Variants in MORN1 observed in about 807,000 individuals in gnomAD.
MORN1 encodes MORN repeat containing 1, also known as MORN repeat-containing protein 1.
In MORN1, 67 loss-of-function variants were observed where a neutral mutation model predicts 61.9. The observed-to-expected ratio is 1.08, with a 90% CI of 0.89 to 1.33. MORN1 has a LOEUF of 1.33. MORN1 is among the 40% of genes most tolerant of loss of function. The probability of loss-of-function intolerance (pLI) is 0.00; values close to 1 mark genes in which losing one functional copy is unlikely to be tolerated. For missense variants in MORN1, 752 were observed against 691.2 expected, an observed-to-expected ratio of 1.09 and a Z score of -0.99; for synonymous variants, 301 against 292.0, an observed-to-expected ratio of 1.03 and a Z score of -0.31.
At chr1:2,383,588 G>A (rs1642419396) in intron 6 of MORN1, among the ~76,000 whole-genome samples, 2 of 152,236 alleles carry the variant, frequency 1.3e-5, no homozygotes, top group African/African-American at 2.4e-5. Context: ...CATCAAAGCA[G>A]CCCCGAGGCT....
chr1:2,324,965 G>A (rs569625091), intron 12 of MORN1, among the ~76,000 whole-genome samples: 3 of 85,830 alleles, frequency 3.5e-5, no homozygotes, highest in Admixed American at 9.8e-5. Flanking sequence ...GTCCCTGCAC[G>A]TGAGGAAGCT....
chr1:2,348,720 G>GGCACGCACACAGAC (rs771171663), intron 10 of MORN1, among the ~76,000 whole-genome samples: 1 of 124,146 alleles, frequency 8.1e-6, no homozygotes, highest in African/African-American at 3.1e-5. Context: ...CACCTGCGCG[G>GGCACGCACACAGAC]GCACGCACAC....
intron 12 of MORN1, among the ~76,000 whole-genome samples, chr1:2,330,896 T>C (rs1369633372): frequency 1.3e-5 from 2 of 152,234 alleles, no homozygotes; most frequent in African/African-American, 2.4e-5. Flanking sequence ...CATGGCCACG[T>C]TGATTAAACC....
intron 4 of MORN1, 49 bp downstream of exon 4, chr1:2,387,370 T>A: frequency 7.3e-7 from 1 of 1,365,140 alleles, no homozygotes; most frequent in South Asian, 1.2e-5. Flanking sequence ...GGATTCCATG[T>A]CCTGAAAGCG....
chr1:2,369,989 G>C (rs540190245), intron 8 of MORN1, among the ~76,000 whole-genome samples: 128 of 152,270 alleles, frequency 8.4e-4, no homozygotes, highest in African/African-American at 2.7e-3. Context: ...TTGGCAAACT[G>C]ATCTTAAAAT....
chr1:2,341,469 GAT>G (rs1471876425), intron 10 of MORN1, among the ~76,000 whole-genome samples: 10 of 152,144 alleles, frequency 6.6e-5, no homozygotes, highest in African/African-American at 2.4e-4. Flanking sequence ...AAAGCAGGCG[GAT>G]CAGGAGGTCA....
intron 10 of MORN1, chr1:2,351,747 A>T: frequency 1.8e-6 from 1 of 553,306 alleles, no homozygotes; most frequent in Non-Finnish European, 3.6e-6. Context: ...GATCATATTC[A>T]TATGCTTGTC....
At chr1:2,358,763 G>A in intron 8 of MORN1, 48 bp from the exon 9 acceptor site, 2 of 1,567,248 alleles carry the variant, frequency 1.3e-6, no homozygotes, top group South Asian at 1.1e-5. Context: ...GCACCCAGAA[G>A]CGGGGTGCGC....
chr1:2,380,187 A>C (rs890728851), intron 6 of MORN1, among the ~76,000 whole-genome samples: 1 of 152,218 alleles, frequency 6.6e-6, no homozygotes, highest in Non-Finnish European at 1.5e-5. Context: ...AGAGTCTACA[A>C]ACACACAGTG....
At chr1:2,346,363 G>A (rs1056961934) in intron 10 of MORN1, among the ~76,000 whole-genome samples, 3 of 152,134 alleles carry the variant, frequency 2.0e-5, no homozygotes, top group African/African-American at 7.2e-5. Flanking sequence ...ACCTGGCCTC[G>A]AGATACATTT....
chr1:2,382,253 G>A (rs559706767), intron 6 of MORN1, among the ~76,000 whole-genome samples: 2 of 152,324 alleles, frequency 1.3e-5, no homozygotes, highest in African/African-American at 2.4e-5. Flanking sequence ...GCCCTGACCA[G>A]GTCCTCCTGA....
intron 2 of MORN1, chr1:2,388,600 A>C: frequency 7.1e-6 from 3 of 423,602 alleles, no homozygotes; most frequent in South Asian, 2.6e-5. Context: ...CAACACGGAG[A>C]GACCCCGTCT....
At chr1:2,380,730 T>G (rs114821924) in intron 6 of MORN1, among the ~76,000 whole-genome samples, 10,323 of 152,156 alleles carry the variant, frequency 0.068, 475 homozygotes, top group South Asian at 0.23. Context: ...TGTTTAAAAC[T>G]TCTTTTGTAG....
intron 6 of MORN1, among the ~76,000 whole-genome samples, chr1:2,381,062 G>A (rs150644358): frequency 6.6e-6 from 1 of 152,350 alleles, no homozygotes; most frequent in East Asian, 1.9e-4. Flanking sequence ...AAGATGCAGA[G>A]CAGAGAACTG....
rs1453610013 is a variant in MORN1, at chr1:2,390,841, T to A, written c.76+617A>T. On this transcript the variant is annotated intron_variant, in intron 1 of 13. Transcript: ENST00000378531. ...TCGGCTCTCTGCAACCTCCGCTTCC[T>A]GGGTTCAAGCGATTCTCCTGCCTCA... 10 of 720,050 alleles carry A rather than the reference T, an allele frequency of 1.4e-5. 1 individual carries two copies. The East Asian group carries it at 9.7e-4, about 70-fold the overall frequency. 44.6% of individuals were successfully genotyped at this position (720,050 alleles called of 1,614,324 possible).
intron 6 of MORN1, chr1:2,379,282 G>A (rs1178003821): frequency 2.5e-6 from 1 of 394,364 alleles, no homozygotes; most frequent in Non-Finnish European, 5.2e-6. Context: ...TGAAGGCCAG[G>A]AGAGAGAGAA....
chr1:2,379,228 C>A, intron 6 of MORN1: 1 of 459,804 alleles, frequency 2.2e-6, no homozygotes, highest in Non-Finnish European at 4.5e-6. Flanking sequence ...TGGATCAGAG[C>A]TGATGTAGGA....
At chr1:2,383,771 T>G (rs932585741) in intron 6 of MORN1, among the ~76,000 whole-genome samples, 3 of 152,186 alleles carry the variant, frequency 2.0e-5, no homozygotes, top group African/African-American at 7.2e-5. Flanking sequence ...TGCGACAGCC[T>G]CACACAGCAG....
chr1:2,351,679 G>A (rs995082546), intron 10 of MORN1: 6 of 418,104 alleles, frequency 1.4e-5, no homozygotes, highest in East Asian at 6.2e-5. Flanking sequence ...TTTTCTTCAC[G>A]TGCTGGTTGC....
Sources: allele counts gnomAD v4.1 joint callset (sites outside exome capture counted in the v4.1 genomes callset), GRCh38; gene constraint gnomAD v4.1.1; transcripts MANE v1.5; gene names NCBI Gene and HGNC (gene_info 2026-07-23, HGNC 2026-07-21).